CTTNBP2NL: variants seen among roughly 807,000 people sequenced by gnomAD.
The protein encoded by CTTNBP2NL is CTTNBP2 N-terminal-like protein.
Under a neutral mutation model 32.5 loss-of-function variants are expected in CTTNBP2NL, and 16 were observed. The observed-to-expected ratio is 0.49, with a 90% confidence interval of 0.33 to 0.75. The LOEUF (loss-of-function observed/expected upper bound fraction) is 0.75. CTTNBP2NL is among the 30% of genes least tolerant of loss of function. The pLI is 0.02. For synonymous variants in CTTNBP2NL, 298 were observed against 289.4 expected (o/e 1.03, Z -0.30); for missense variants, 645 against 756.0 (o/e 0.85, Z 1.72).
intron 1 of CTTNBP2NL, among the ~76,000 whole-genome samples, chr1:112,410,679 T>C (rs1451506039): frequency 6.6e-6 from 1 of 152,238 alleles, no homozygotes; most frequent in Non-Finnish European, 1.5e-5. Flanking sequence ...AGTTGGGTCT[T>C]GGAAGGAATT....
At chr1:112,453,178 CT>C (rs1204569138) in intron 4 of CTTNBP2NL, among the ~76,000 whole-genome samples, 1 of 151,868 alleles carries the variant, frequency 6.6e-6, no homozygotes, top group Non-Finnish European at 1.5e-5. Flanking sequence ...TGGTCTCAAA[CT>C]CCTGTGCTCA....
intron 4 of CTTNBP2NL, among the ~76,000 whole-genome samples, chr1:112,450,055 G>A (rs946433707): frequency 6.6e-6 from 1 of 152,228 alleles, no homozygotes; most frequent in East Asian, 1.9e-4. Context: ...CAACAAGGCA[G>A]TTATCAGTGC....
rs1173542046 is a variant in CTTNBP2NL at position 112,431,728 on chromosome 1, A to G, written c.99+15464A>G. 2.0e-5 allele frequency among the ~76,000 whole-genome samples: 3 copies of G among 152,208 alleles called. No individual in the cohort carries two copies. The East Asian group carries it at 5.8e-4, about 29-fold the overall frequency. On this transcript the variant is annotated intron_variant, in intron 3 of 5. Coordinates refer to ENST00000271277, the MANE Select transcript of CTTNBP2NL (RefSeq NM_018704.3). ...ACTTTTTTTAATGAGAAAGAAAGCT[A>G]TGTACTGACAGATCTCTCAGACAGT...
chr1:112,395,605 GGTTTATGTCCCCCAAA>G (rs1318806057), upstream of CTTNBP2NL, among the ~76,000 whole-genome samples: 1 of 152,206 alleles, frequency 6.6e-6, no homozygotes, highest in East Asian at 1.9e-4. Flanking sequence ...AGGTCGGCTG[GGTTTATGTCCCCCAAA>G]GTTAGTATCC....
At chr1:112,399,134 A>G (rs1399388658) in intron 1 of CTTNBP2NL, among the ~76,000 whole-genome samples, 1 of 151,982 alleles carries the variant, frequency 6.6e-6, no homozygotes, top group African/African-American at 2.4e-5. Context: ...CCTGGCCAAC[A>G]TGATAAAACC....
rs1553227272 is a variant in CTTNBP2NL, at chr1:112,452,335, C to CTTCTTTTTTTTTTTTTTTTTT, written c.331-2112_331-2111insCTTTTTTTTTTTTTTTTTTTT. ...GCATACACCACAGCACCAGTCTCTT[C>CTTCTTTTTTTTTTTTTTTTTT]TTTTTTTTTTTTTTTTTTTTTTTTT... On this transcript the variant is annotated intron_variant, in intron 4 of 5. Coordinates refer to ENST00000271277, the MANE Select transcript of CTTNBP2NL (RefSeq NM_018704.3). 2.0e-4 allele frequency among the ~76,000 whole-genome samples: 13 copies of CTTCTTTTTTTTTTTTTTTTTT among 65,720 alleles called. 1 individual carries two copies. The highest frequency in any genetic ancestry group is 7.9e-4 in the African/African-American group (13 of 16,412). The allele number at this position is 65,720 out of a possible 152,430, so 43.1% of individuals were successfully genotyped here.
Position 112,457,007 on chromosome 1 carries a change from C to A in CTTNBP2NL, c.1515C>A (p.Val505=), listed in dbSNP as rs1650388496. 1.9e-6 allele frequency: 3 copies of A among 1,614,034 alleles called. No homozygotes were observed. The highest frequency in any genetic ancestry group is 2.5e-6 in the Non-Finnish European group (3 of 1,180,034). ...SAAKQLARNT[V]TQVLSRFTSQ... The stretch of plus-strand genomic sequence containing the variant: ...CCAAGCAGCTGGCCCGAAACACAGT[C>A]ACTCAGGTGCTCTCCAGATTCACTA... Residue 505 remains valine, a synonymous_variant, in exon 6 of 6, where the codon GTC becomes GTA. Transcript: ENST00000271277.
chr1:112,429,515 C>T (rs188390765), intron 3 of CTTNBP2NL, among the ~76,000 whole-genome samples: 1 of 152,266 alleles, frequency 6.6e-6, no homozygotes, highest in African/African-American at 2.4e-5. Context: ...ATAGCAAGAC[C>T]TTACCTCTTT....
intron 3 of CTTNBP2NL, among the ~76,000 whole-genome samples, chr1:112,419,935 A>G (rs1489137957): frequency 4.6e-5 from 7 of 152,222 alleles, no homozygotes; most frequent in Non-Finnish European, 7.3e-5. Context: ...TAAAGATCAC[A>G]TGAACACATG....
intron 3 of CTTNBP2NL, among the ~76,000 whole-genome samples, chr1:112,432,355 C>T (rs1226571408): frequency 5.9e-5 from 9 of 151,854 alleles, no homozygotes; most frequent in African/African-American, 7.3e-5. Context: ...GCCACCGCGC[C>T]GGGCCTATAG....
chr1:112,432,426 A>G (rs1206991679), intron 3 of CTTNBP2NL, among the ~76,000 whole-genome samples: 2 of 152,124 alleles, frequency 1.3e-5, no homozygotes, highest in East Asian at 3.9e-4. Flanking sequence ...TTTTGTAAGA[A>G]ATATAATATG....
intron 2 of CTTNBP2NL, 150 bp downstream of exon 2, chr1:112,412,467 A>G (rs552994751): frequency 6.6e-6 from 1 of 152,342 alleles, no homozygotes; most frequent in Admixed American, 6.5e-5. Flanking sequence ...AGGAACTGTT[A>G]AATGTTAATA....
chr1:112,446,775 C>A (rs1650055094), intron 3 of CTTNBP2NL, among the ~76,000 whole-genome samples: 1 of 152,096 alleles, frequency 6.6e-6, no homozygotes, highest in African/African-American at 2.4e-5. Context: ...GTCTTAAACT[C>A]CTGGGCTCAA....
rs1175641 is a variant in CTTNBP2NL, at chr1:112,456,605, G to A, written c.1113G>A (p.Gln371=). The A allele has an allele frequency of 0.87, 1,407,964 of 1,614,026 alleles. 615,682 individuals carry two copies. Among genetic ancestry groups the A allele is most frequent in the East Asian group, 1 (44,776 of 44,852 alleles). ...ELTAGNNVEN[Q]VPPREKSVAL... ...CTGCAGGCAACAATGTAGAAAACCA[G>A]GTGCCTCCACGGGAAAAATCTGTGG... Residue 371 remains glutamine (Q), a synonymous_variant, in exon 6 of 6, where the codon CAG becomes CAA. Transcript: ENST00000271277.
At chr1:112,410,327 G>A (rs1342421508) in intron 1 of CTTNBP2NL, among the ~76,000 whole-genome samples, 3 of 151,590 alleles carry the variant, frequency 2.0e-5, no homozygotes, top group Admixed American at 6.6e-5. Context: ...GGGAGGCGAA[G>A]GCTGCGGTGA....
intron 1 of CTTNBP2NL, among the ~76,000 whole-genome samples, chr1:112,405,145 T>A (rs942173221): frequency 2.0e-5 from 3 of 152,250 alleles, no homozygotes; most frequent in Non-Finnish European, 4.4e-5. Context: ...ATATCTTTTT[T>A]AAAATGTTCA....
At chr1:112,404,335 T>C (rs1416285604) in intron 1 of CTTNBP2NL, among the ~76,000 whole-genome samples, 1 of 152,260 alleles carries the variant, frequency 6.6e-6, no homozygotes, top group Non-Finnish European at 1.5e-5. Flanking sequence ...ACGAGTTTTA[T>C]TTCTGCTAGA....
At chr1:112,396,800 A>G (rs1570708612) in intron 1 of CTTNBP2NL, among the ~76,000 whole-genome samples, 2 of 152,148 alleles carry the variant, frequency 1.3e-5, no homozygotes, top group South Asian at 2.1e-4. Context: ...GGCTTCTCCC[A>G]CTTAAGTTCT....
intron 3 of CTTNBP2NL, among the ~76,000 whole-genome samples, chr1:112,423,276 A>AT (rs1243927478): frequency 6.6e-6 from 1 of 151,454 alleles, no homozygotes; most frequent in Non-Finnish European, 1.5e-5. Flanking sequence ...TCTTAACTCT[A>AT]TTTTTTTTAC....
Sources: allele counts gnomAD v4.1 joint callset (sites outside exome capture counted in the v4.1 genomes callset), GRCh38; gene constraint gnomAD v4.1.1; transcripts MANE v1.5; gene names NCBI Gene and HGNC (gene_info 2026-07-23, HGNC 2026-07-21).